The following TMEM182 variants were observed in gnomAD, a reference collection of about 807,000 sequenced individuals.
TMEM182 encodes transmembrane protein 182.
In TMEM182, 20 loss-of-function variants were observed where a neutral mutation model predicts 26.8. The observed-to-expected ratio is 0.75, with a 90% CI of 0.53 to 1.09. TMEM182 has a LOEUF of 1.09. Ranked by LOEUF, TMEM182 falls within the 50% of genes least tolerant of loss-of-function variation. The pLI, the probability that TMEM182 is intolerant of heterozygous loss-of-function variation, is 0.00. For synonymous variants in TMEM182, 109 were observed against 102.2 expected (o/e 1.07, Z -0.40); for missense variants, 277 against 275.5 (o/e 1.01, Z -0.04).
intron 3 of TMEM182, among the ~76,000 whole-genome samples, chr2:102,840,312 C>T (rs1427996830): frequency 6.6e-6 from 1 of 152,126 alleles, no homozygotes; most frequent in Admixed American, 6.5e-5. Flanking sequence ...AGTGCGAAAT[C>T]GCCATATATT....
chr2:102,772,066 G>A (rs1348082857), intron 3 of TMEM182, among the ~76,000 whole-genome samples: 2 of 152,184 alleles, frequency 1.3e-5, no homozygotes, highest in Non-Finnish European at 2.9e-5. Context: ...TCAGCTCCAG[G>A]TCTGGGCCCA....
intron 3 of TMEM182, among the ~76,000 whole-genome samples, chr2:102,766,620 T>C (rs571532365): frequency 4.6e-5 from 7 of 152,332 alleles, no homozygotes; most frequent in South Asian, 4.1e-4. Context: ...ATAGATTTCA[T>C]TGGAAGCTTT....
At chr2:102,838,864 T>A (rs74819386) in intron 3 of TMEM182, among the ~76,000 whole-genome samples, 2,229 of 152,224 alleles carry the variant, frequency 0.015, 69 homozygotes, top group African/African-American at 0.051. Flanking sequence ...AGAGAATGAA[T>A]TTGAGATACA....
intron 3 of TMEM182, among the ~76,000 whole-genome samples, chr2:102,786,482 G>T (rs192847172): frequency 1.3e-5 from 2 of 152,254 alleles, no homozygotes; most frequent in African/African-American, 4.8e-5. Flanking sequence ...CAAAGTGTTG[G>T]TATTACAGGT....
chr2:102,783,677 G>A (rs1040172526), intron 3 of TMEM182, among the ~76,000 whole-genome samples: 2 of 152,146 alleles, frequency 1.3e-5, no homozygotes, highest in African/African-American at 4.8e-5. Context: ...AGCAACTCAG[G>A]AGACTGAAGT....
intron 4 of TMEM182, among the ~76,000 whole-genome samples, chr2:102,814,125 G>T (rs545665047): frequency 2.2e-4 from 34 of 151,664 alleles, no homozygotes; most frequent in African/African-American, 8.0e-4. Flanking sequence ...GAAGAATCAC[G>T]TATATTCTTT....
chr2:102,827,896 G>A (rs1259295464), intron 3 of TMEM182, among the ~76,000 whole-genome samples: 5 of 152,048 alleles, frequency 3.3e-5, no homozygotes, highest in Non-Finnish European at 7.4e-5. Flanking sequence ...TTCGAGGCCC[G>A]CCTGGCCAAC....
At chr2:102,805,869 A>G (rs1268066015) in intron 4 of TMEM182, among the ~76,000 whole-genome samples, 2 of 152,068 alleles carry the variant, frequency 1.3e-5, no homozygotes, top group Non-Finnish European at 2.9e-5. Flanking sequence ...TGACCGCACC[A>G]CTGTACTCCA....
At chr2:102,820,700 G>T (rs1682900618), downstream of TMEM182, among the ~76,000 whole-genome samples, 1 of 152,208 alleles carries the variant, frequency 6.6e-6, no homozygotes, top group Non-Finnish European at 1.5e-5. Flanking sequence ...TCTAGAAATG[G>T]CAAGGCAGCT....
chr2:102,792,721 A>G (rs1681701435), intron 3 of TMEM182, among the ~76,000 whole-genome samples: 1 of 152,194 alleles, frequency 6.6e-6, no homozygotes, highest in Non-Finnish European at 1.5e-5. Context: ...TGGTGACGGC[A>G]CTCAGGCATC....
chr2:102,761,753 C>T (rs1318090483), upstream of TMEM182, among the ~76,000 whole-genome samples: 2 of 152,158 alleles, frequency 1.3e-5, no homozygotes, highest in African/African-American at 2.4e-5. Flanking sequence ...TTGTAATGGG[C>T]ATTCTAGACT....
At position 102,815,972 on chromosome 2, in the gene TMEM182, A is replaced by G. The variant is rs1682729720; in HGVS notation, c.*1004A>G. On this transcript the variant is annotated 3_prime_UTR_variant, in exon 5 of 5. Transcript: ENST00000412401. ...GATGTTATGGGTTCCAGTTCTTCTG[A>G]TCATTTGATTCCTTTAATTACTGTC... is the stretch of plus-strand genomic sequence containing the variant. The G allele has an allele frequency of 1.0e-6, 1 of 984,682 alleles. No individual in the cohort carries two copies. The highest frequency in any genetic ancestry group is 6.2e-5 in the Admixed American group (1 of 16,246). The allele number at this position is 984,682 out of a possible 1,614,324, so 61.0% of individuals were successfully genotyped here. A position where few individuals can be genotyped will look rare whatever the true frequency, so the allele number is the denominator to read the frequency against.
chr2:102,784,311 A>G (rs1681296076), intron 3 of TMEM182, among the ~76,000 whole-genome samples: 1 of 152,148 alleles, frequency 6.6e-6, no homozygotes, highest in African/African-American at 2.4e-5. Context: ...CATCAGGAAA[A>G]TATAAGGCTC....
intron 4 of TMEM182, among the ~76,000 whole-genome samples, chr2:102,811,082 A>AAAAT (rs1682541544): frequency 6.6e-6 from 1 of 150,780 alleles, no homozygotes; most frequent in African/African-American, 2.4e-5. Context: ...AAAAAAAAAA[A>AAAAT]TTCTAAATCA....
intron 3 of TMEM182, among the ~76,000 whole-genome samples, chr2:102,777,115 A>C (rs1040251439): frequency 2.0e-5 from 3 of 151,936 alleles, no homozygotes; most frequent in African/African-American, 7.2e-5. Context: ...CATTTTCTTA[A>C]CAGTGTCGTT....
intron 3 of TMEM182, among the ~76,000 whole-genome samples, chr2:102,792,882 G>T (rs1051193995): frequency 6.6e-6 from 1 of 152,164 alleles, no homozygotes; most frequent in African/African-American, 2.4e-5. Flanking sequence ...GACTCGCAGT[G>T]GTCAGGAATG....
Position 102,797,931 on chromosome 2 carries a change from A to G in TMEM182, c.400A>G (p.Ile134Val). Reference protein sequence around the residue: ...VVAVVIASFLIICAAPFASHF... With the variant: ...VVAVVIASFLVICAAPFASHF... ...TGCTGTAGTCATCGCAAGCTTTTTG[A>G]TCATCTGTGCAGCCCCCTTCGCCAG... is the stretch of plus-strand genomic sequence containing the variant. The change falls in exon 4 of 5, where the codon ATC becomes GTC. Residue 134 changes from isoleucine (I) to valine (V), a missense_variant. Coordinates refer to ENST00000412401, the MANE Select transcript of TMEM182 (RefSeq NM_144632.5). 1.9e-6 allele frequency: 3 copies of G among 1,613,932 alleles called. No homozygotes were observed. The highest frequency in any genetic ancestry group is 2.5e-6 in the Non-Finnish European group (3 of 1,179,992).
intron 3 of TMEM182, among the ~76,000 whole-genome samples, chr2:102,782,256 G>A (rs1681200726): frequency 2.0e-5 from 3 of 152,026 alleles, no homozygotes; most frequent in African/African-American, 4.8e-5. Flanking sequence ...AACCTGGGAG[G>A]CGGAGGTTAC....
chr2:102,840,551 G>A (rs1172147233), intron 3 of TMEM182, among the ~76,000 whole-genome samples: 1 of 152,162 alleles, frequency 6.6e-6, no homozygotes, highest in African/African-American at 2.4e-5. Flanking sequence ...GGGTGAGGTA[G>A]CGTGAGTTAG....
Sources: gnomAD v4.1 joint callset for allele counts (sites outside exome capture counted in the v4.1 genomes callset) on GRCh38, gnomAD v4.1.1 for gene constraint, MANE v1.5 for transcripts, NCBI Gene and HGNC (gene_info 2026-07-23, HGNC 2026-07-21) for gene names.